GALR1: variants seen among roughly 807,000 people sequenced by gnomAD.
GALR1 encodes the protein galanin receptor 1.
In GALR1, 11 loss-of-function variants were observed where a neutral mutation model predicts 17.9. The ratio of observed to expected loss-of-function variants is 0.62; its 90% CI spans 0.39 to 1.02. The LOEUF is 1.02. Ranked by LOEUF, GALR1 falls within the 50% of genes least tolerant of loss-of-function variation. The pLI, the probability that GALR1 is intolerant of heterozygous loss-of-function variation, is 0.01. For missense variants in GALR1, 441 were observed against 456.9 expected (o/e 0.97, Z 0.32); for synonymous variants, 206 against 205.7 (o/e 1.00, Z -0.01).
rs150055146 is a variant in GALR1, at chr18:77,263,494, G to C, written c.733-5091G>C. Among the ~76,000 whole-genome samples the C allele has an allele frequency of 2.8e-4, 43 of 152,266 alleles. 1 individual carries two copies. The South Asian group carries it at 3.9e-3, about 14-fold the overall frequency. ...AGGGAGTTTATGACATTTTGCAAAG[G>C]TCATACAACCAGCTTATGGCATGGC... On this transcript the variant is annotated intron_variant, in intron 2 of 2. Coordinates refer to ENST00000299727, the MANE Select transcript of GALR1 (RefSeq NM_001480.4).
chr18:77,265,551 G>C (rs886706551), intron 2 of GALR1, among the ~76,000 whole-genome samples: 3 of 152,232 alleles, frequency 2.0e-5, no homozygotes, highest in Non-Finnish European at 4.4e-5. Flanking sequence ...CCAGTGGGGA[G>C]TCTGTGTGGG....
At position 77,268,971 on chromosome 18, in the gene GALR1, A is replaced by C. The variant is rs1913006404; in HGVS notation, c.*69A>C. The C allele has an allele frequency of 2.6e-6, 3 of 1,154,682 alleles. No homozygotes were observed. The South Asian group carries it at 4.3e-5, about 17-fold the overall frequency. The allele number at this position is 1,154,682 out of a possible 1,614,324, so 71.5% of individuals were successfully genotyped here. On this transcript the variant is annotated 3_prime_UTR_variant, in exon 3 of 3. Coordinates refer to ENST00000299727, the MANE Select transcript of GALR1 (RefSeq NM_001480.4). ...ACCAGACACAGAAACAAACAGAATG[A>C]GCTAGTAAGCGATGCTGCAACTTGT...
At chr18:77,257,807 G>C (rs192244418) in intron 2 of GALR1, among the ~76,000 whole-genome samples, 4 of 152,320 alleles carry the variant, frequency 2.6e-5, no homozygotes, top group Non-Finnish European at 4.4e-5. Context: ...CCTGTTCAAG[G>C]GGGCAGTGTT....
In GALR1 at chr18:77,274,226, T is replaced by C. The variant is rs1913114176; in HGVS notation, c.*5324T>C. 1 of 151,966 alleles carries C rather than the reference T, an allele frequency of 6.6e-6. No individual in the cohort carries two copies. Among genetic ancestry groups the C allele is most frequent in the South Asian group, 2.1e-4 (1 of 4,812 alleles). The allele number at this position is 151,966 out of a possible 1,614,324, so 9.4% of individuals were successfully genotyped here. A position where few individuals can be genotyped will look rare whatever the true frequency, so the allele number is the denominator to read the frequency against. Reference sequence around the variant, plus strand: ...GCAATCTAGCCAAGGTGTCACATAATGGAGAAAAATGCAGATGGTCCTGTG... The same window carrying C: ...GCAATCTAGCCAAGGTGTCACATAACGGAGAAAAATGCAGATGGTCCTGTG... On this transcript the variant is annotated 3_prime_UTR_variant, in exon 3 of 3. Coordinates refer to ENST00000299727, the MANE Select transcript of GALR1 (RefSeq NM_001480.4).
At chr18:77,258,578 G>T (rs1357870185) in intron 2 of GALR1, among the ~76,000 whole-genome samples, 1 of 147,576 alleles carries the variant, frequency 6.8e-6, no homozygotes, top group African/African-American at 2.6e-5. Flanking sequence ...GGGTGGTGGT[G>T]GTCATGGTGG....
Position 77,270,329 on chromosome 18 carries a change from A to G in GALR1, c.*1427A>G, listed in dbSNP as rs1357371641. On this transcript the variant is annotated 3_prime_UTR_variant, in exon 3 of 3. Coordinates refer to ENST00000299727, the MANE Select transcript of GALR1 (RefSeq NM_001480.4). The stretch of plus-strand genomic sequence containing the variant: ...CAGGAGTTTGAGACCAGTGTGGGCA[A>G]CATGGCAAAACTCGGTCTCTACTAA... 1 of 152,232 alleles carries G rather than the reference A, an allele frequency of 6.6e-6. No homozygotes were observed. Among genetic ancestry groups the G allele is most frequent in the Non-Finnish European group, 1.5e-5 (1 of 68,082 alleles). 9.4% of individuals were successfully genotyped at this position (152,232 alleles called of 1,614,324 possible).
intron 2 of GALR1, among the ~76,000 whole-genome samples, chr18:77,259,983 CATT>C (rs958639859): frequency 5.3e-4 from 80 of 152,216 alleles, no homozygotes; most frequent in African/African-American, 1.9e-3. Context: ...ACGTGTTCAT[CATT>C]TGATTGGTAA....
intron 2 of GALR1, among the ~76,000 whole-genome samples, chr18:77,260,557 C>T (rs934065379): frequency 1.1e-4 from 17 of 152,216 alleles, no homozygotes; most frequent in South Asian, 4.1e-4. Flanking sequence ...ATTTTTTGGA[C>T]GGGGTGGGGA....
rs1371857881 is a variant in GALR1 at position 77,249,880 on chromosome 18, C to T, written c.-669C>T. Among the ~76,000 whole-genome samples the T allele has an allele frequency of 6.6e-6, 1 of 152,224 alleles. No individual in the cohort carries two copies. The highest frequency in any genetic ancestry group is 1.5e-5 in the Non-Finnish European group (1 of 68,030). On this transcript the variant is annotated 5_prime_UTR_variant, in exon 1 of 3. Transcript: ENST00000299727. ...CCTCTCAGTTGCAGCAGAGAAGCCC[C>T]TGGCACCCGACTCTATCCACCACCA... is the stretch of plus-strand genomic sequence containing the variant.
intron 1 of GALR1, among the ~76,000 whole-genome samples, chr18:77,255,222 A>G (rs1912559189): frequency 1.3e-5 from 2 of 152,214 alleles, no homozygotes; most frequent in Non-Finnish European, 1.5e-5. Context: ...GGGATATAGC[A>G]ATGAACTTAA....
chr18:77,253,040 C>T (rs1028735285), intron 1 of GALR1, among the ~76,000 whole-genome samples: 32 of 115,612 alleles, frequency 2.8e-4, no homozygotes, highest in African/African-American at 7.9e-4. Context: ...ACCATCACCA[C>T]CACCACCACC....
rs1276485168 is a variant in GALR1, at chr18:77,270,790, T to G, written c.*1888T>G. 1.3e-5 allele frequency: 2 copies of G among 152,214 alleles called. No homozygotes were observed. The highest frequency in any genetic ancestry group is 2.9e-5 in the Non-Finnish European group (2 of 68,044). The allele number at this position is 152,214 out of a possible 1,614,324, so 9.4% of individuals were successfully genotyped here. On this transcript the variant is annotated 3_prime_UTR_variant, in exon 3 of 3. Coordinates refer to ENST00000299727, the MANE Select transcript of GALR1 (RefSeq NM_001480.4). ...TTTTGAAGTGATGTATTATGTTTGT[T>G]GACTAGAAGAAGAAATTGTGTTTAT...
chr18:77,254,874 G>T (rs115960684), intron 1 of GALR1, among the ~76,000 whole-genome samples: 18 of 152,334 alleles, frequency 1.2e-4, no homozygotes, highest in Admixed American at 7.8e-4. Context: ...ATTTCAGGAA[G>T]TGGGAAGCAT....
chr18:77,256,231 T>C lies in GALR1; in HGVS notation c.732+8T>C, dbSNP rs1234251096. 3 of 1,461,048 alleles carry C rather than the reference T, an allele frequency of 2.1e-6. No individual in the cohort carries two copies. Among genetic ancestry groups the C allele is most frequent in the African/African-American group, 2.8e-5 (2 of 71,780 alleles). The allele number at this position is 1,461,048 out of a possible 1,614,324, so 90.5% of individuals were successfully genotyped here. A position where few individuals can be genotyped will look rare whatever the true frequency, so the allele number is the denominator to read the frequency against. On this transcript the variant is annotated splice_region_variant and intron_variant, in intron 2 of 2. Coordinates refer to ENST00000299727, the MANE Select transcript of GALR1 (RefSeq NM_001480.4). ...GAAGCATCCAAGAAAAAGGTAATGA[T>C]CACAAATATATATATATATGTTACT...
chr18:77,256,449 TG>T (rs1912592303), intron 2 of GALR1, among the ~76,000 whole-genome samples: 1 of 151,978 alleles, frequency 6.6e-6, no homozygotes, highest in African/African-American at 2.4e-5. Flanking sequence ...GCTGAAGATC[TG>T]GGGAGATGAG....
In GALR1 at chr18:77,255,898, G is replaced by A. The variant is rs548523592; in HGVS notation, c.667-260G>A. Among the ~76,000 whole-genome samples the A allele has an allele frequency of 1.1e-4, 17 of 152,308 alleles. No homozygotes were observed. The East Asian group carries it at 3.1e-3, about 28-fold the overall frequency. ...CAAAACCCCAGAGCTCCACGCCCTG[G>A]GCATTCTCTGCAAACAGGTGCTATG... On this transcript the variant is annotated intron_variant, in intron 1 of 2. Coordinates refer to ENST00000299727, the MANE Select transcript of GALR1 (RefSeq NM_001480.4).
At chr18:77,252,983 C>T (rs968552630) in intron 1 of GALR1, among the ~76,000 whole-genome samples, 7 of 53,662 alleles carry the variant, frequency 1.3e-4, no homozygotes, top group South Asian at 5.7e-4. Flanking sequence ...ACCACCATCA[C>T]CACCATCACC....
chr18:77,251,188 C>T lies in GALR1; in HGVS notation c.640C>T (p.Leu214=), dbSNP rs1246143445. Residue 214 remains leucine (L), a synonymous_variant, in exon 1 of 3, where the codon CTG becomes TTG. Transcript: ENST00000299727. The part of the protein sequence containing the change: ...TFVFGYLLPL[L]LICFCYAKVL... Reference sequence around the variant, plus strand: ...CGTCTTCGGCTACCTGCTGCCGCTCCTGCTCATCTGCTTCTGCTATGCCAA... The same window carrying T: ...CGTCTTCGGCTACCTGCTGCCGCTCTTGCTCATCTGCTTCTGCTATGCCAA... The T allele has an allele frequency of 6.2e-7, 1 of 1,609,226 alleles. No homozygotes were observed. The highest frequency in any genetic ancestry group is 1.1e-5 in the South Asian group (1 of 90,986).
At chr18:77,254,909 T>A (rs1461107648) in intron 1 of GALR1, among the ~76,000 whole-genome samples, 1 of 152,186 alleles carries the variant, frequency 6.6e-6, no homozygotes, top group South Asian at 2.1e-4. Flanking sequence ...GAATTTAAAG[T>A]CAGAAATTCA....
Sources: gnomAD v4.1 joint callset for allele counts (sites outside exome capture counted in the v4.1 genomes callset) on GRCh38, gnomAD v4.1.1 for gene constraint, MANE v1.5 for transcripts, NCBI Gene and HGNC (gene_info 2026-07-23, HGNC 2026-07-21) for gene names.